The following RPH3AL variants were observed in gnomAD, a reference collection of about 807,000 sequenced individuals.
RPH3AL encodes rabphilin 3A like (without C2 domains).
Under a neutral mutation model 43.1 loss-of-function variants are expected in RPH3AL, and 38 were observed. The ratio of observed to expected loss-of-function variants is 0.88; its 90% CI spans 0.68 to 1.15. RPH3AL has a LOEUF of 1.15. Among genes scored for constraint, RPH3AL ranks in the 50% most tolerant of loss-of-function variants. The pLI, the probability that RPH3AL is intolerant of heterozygous loss-of-function variation, is 0.00. For synonymous variants in RPH3AL, 189 were observed against 176.3 expected, an observed-to-expected ratio of 1.07 and a Z score of -0.57; for missense variants, 462 against 423.2, an observed-to-expected ratio of 1.09 and a Z score of -0.81.
At chr17:350,189 C>A (rs1166828703) in intron 1 of RPH3AL, among the ~76,000 whole-genome samples, 1 of 152,132 alleles carries the variant, frequency 6.6e-6, no homozygotes, top group Non-Finnish European at 1.5e-5. Context: ...ATTGTGGTAA[C>A]AGAGTAAAAG....
At chr17:314,340 G>C (rs2043767474) in intron 5 of RPH3AL, among the ~76,000 whole-genome samples, 1 of 151,812 alleles carries the variant, frequency 6.6e-6, no homozygotes, top group Non-Finnish European at 1.5e-5. Context: ...CACACTGCCA[G>C]CTCCCGTTCT....
intron 5 of RPH3AL, among the ~76,000 whole-genome samples, chr17:300,191 AGCC>A (rs1274200267): frequency 1.6e-4 from 12 of 72,920 alleles, no homozygotes; most frequent in African/African-American, 4.9e-4. Context: ...GGGCTGGCCC[AGCC>A]TAGGCCTGCA....
intron 5 of RPH3AL, among the ~76,000 whole-genome samples, chr17:292,834 C>A (rs1425121537): frequency 6.6e-6 from 1 of 152,242 alleles, no homozygotes; most frequent in African/African-American, 2.4e-5. Flanking sequence ...GCTGGGAGCA[C>A]GCCGAGCCCT....
intron 5 of RPH3AL, among the ~76,000 whole-genome samples, chr17:302,921 C>T (rs551615081): frequency 3.5e-4 from 53 of 152,298 alleles, no homozygotes; most frequent in Non-Finnish European, 5.7e-4. Flanking sequence ...ACCCAGACCC[C>T]GAAGGTCAGG....
intron 5 of RPH3AL, among the ~76,000 whole-genome samples, chr17:309,730 T>C (rs1221336564): frequency 1.5e-5 from 2 of 137,652 alleles, no homozygotes; most frequent in Non-Finnish European, 3.0e-5. Flanking sequence ...GGGTCCAGGA[T>C]ACGGCATGTC....
chr17:312,042 G>A (rs563450759), intron 5 of RPH3AL, among the ~76,000 whole-genome samples: 40 of 152,248 alleles, frequency 2.6e-4, no homozygotes, highest in Middle Eastern at 6.8e-3. Flanking sequence ...TGTGGCTCAC[G>A]TCTGTAATCC....
In RPH3AL at chr17:284,310, C is replaced by T. The variant is rs184388498; in HGVS notation, c.352-2456G>A. 2.8e-3 allele frequency among the ~76,000 whole-genome samples: 432 copies of T among 152,292 alleles called. 4 individuals are homozygous for T. Among genetic ancestry groups the T allele is most frequent in the South Asian group, 4.3e-3 (21 of 4,828 alleles). On this transcript the variant is annotated intron_variant, in intron 5 of 9. Transcript: ENST00000331302. The stretch of plus-strand genomic sequence containing the variant: ...TCGGGCTGCCCGAGGTCACACAGCT[C>T]GTTCACGGTAAAGCAGAATTTTTGT...
intron 1 of RPH3AL, among the ~76,000 whole-genome samples, chr17:335,299 G>A (rs117024453): frequency 0.017 from 2,542 of 152,246 alleles, 40 homozygotes; most frequent in Middle Eastern, 0.034. Context: ...GGACGGAGGG[G>A]CTGGGGGAAG....
At chr17:236,547 G>C (rs954625088) in intron 7 of RPH3AL, among the ~76,000 whole-genome samples, 1 of 152,308 alleles carries the variant, frequency 6.6e-6, no homozygotes, top group Admixed American at 6.5e-5. Flanking sequence ...GGTCCTGAGA[G>C]CGGGGTGGGG....
intron 6 of RPH3AL, among the ~76,000 whole-genome samples, chr17:276,317 T>C (rs897268109): frequency 6.6e-6 from 1 of 152,246 alleles, no homozygotes; most frequent in African/African-American, 2.4e-5. Context: ...CAAATTTGCT[T>C]GTACTTTTCT....
chr17:260,857 T>G (rs2042181321), intron 6 of RPH3AL, among the ~76,000 whole-genome samples: 1 of 152,180 alleles, frequency 6.6e-6, no homozygotes, highest in African/African-American at 2.4e-5. Context: ...CTCACCGCCT[T>G]GACCACACTA....
At chr17:237,374 T>C (rs2041423370) in intron 7 of RPH3AL, among the ~76,000 whole-genome samples, 1 of 152,120 alleles carries the variant, frequency 6.6e-6, no homozygotes, top group South Asian at 2.1e-4. Context: ...GAACAGACCT[T>C]GAAGGGAACC....
intron 8 of RPH3AL, among the ~76,000 whole-genome samples, chr17:216,507 A>T (rs1040096007): frequency 2.0e-5 from 3 of 152,074 alleles, no homozygotes; most frequent in African/African-American, 7.2e-5. Flanking sequence ...GCAGACGTGG[A>T]GCCTGCTACT....
Position 290,813 on chromosome 17 carries a change from C to T in RPH3AL, c.352-8959G>A, listed in dbSNP as rs904609703. ...AAGCAGACGCCGCCATCTCACAGCA[C>T]CCGCGGTCTGGAGTCAGTCACTGGC... On this transcript the variant is annotated intron_variant, in intron 5 of 9. Coordinates refer to ENST00000331302, the MANE Select transcript of RPH3AL (RefSeq NM_006987.4). The surrounding 1 kb of genome is among the most constrained non-coding windows in gnomAD (Gnocchi z 4.2). Among the ~76,000 whole-genome samples, 1 of 152,198 alleles carries T rather than the reference C, an allele frequency of 6.6e-6. No individual in the cohort carries two copies. Among genetic ancestry groups the T allele is most frequent in the Non-Finnish European group, 1.5e-5 (1 of 68,032 alleles).
chr17:253,300 G>C (rs2151556772), intron 6 of RPH3AL, among the ~76,000 whole-genome samples: 1 of 152,254 alleles, frequency 6.6e-6, no homozygotes, highest in Non-Finnish European at 1.5e-5. Flanking sequence ...TGATGCTCAG[G>C]GTGACTTGGC....
chr17:328,290 G>A lies in RPH3AL; in HGVS notation c.-36-711C>T, dbSNP rs1203312876. On this transcript the variant is annotated intron_variant, in intron 2 of 9. Coordinates refer to ENST00000331302, the MANE Select transcript of RPH3AL (RefSeq NM_006987.4). The surrounding 1 kb of genome is among the most constrained non-coding windows in gnomAD (Gnocchi z 4.2). ...TCTCCCTGCCTCCCAGGACAGGATTGTCTTTGGTGGTCTGAGGATGCCACG... is the reference window on the plus strand; with the variant it reads ...TCTCCCTGCCTCCCAGGACAGGATTATCTTTGGTGGTCTGAGGATGCCACG... Among the ~76,000 whole-genome samples, 1 of 151,620 alleles carries A rather than the reference G, an allele frequency of 6.6e-6. No homozygotes were observed. The highest frequency in any genetic ancestry group is 1.5e-5 in the Non-Finnish European group (1 of 67,950).
In RPH3AL at chr17:322,006, A is replaced by T. The variant is rs1345193923; in HGVS notation, c.78-591T>A. On this transcript the variant is annotated intron_variant, in intron 3 of 9. Coordinates refer to ENST00000331302, the MANE Select transcript of RPH3AL (RefSeq NM_006987.4). The surrounding 1 kb of genome is among the most constrained non-coding windows in gnomAD (Gnocchi z 4.0). ...GAGACGGAGTTCACCAGGGGACAGGAAAGCCATGTAATTAGGGTGAAGACA... is the reference window on the plus strand; with the variant it reads ...GAGACGGAGTTCACCAGGGGACAGGTAAGCCATGTAATTAGGGTGAAGACA... 3.3e-5 allele frequency among the ~76,000 whole-genome samples: 5 copies of T among 152,214 alleles called. No individual in the cohort carries two copies. The highest frequency in any genetic ancestry group is 7.3e-5 in the Non-Finnish European group (5 of 68,042).
At chr17:229,239 T>C (rs1164617367) in intron 7 of RPH3AL, among the ~76,000 whole-genome samples, 1 of 152,168 alleles carries the variant, frequency 6.6e-6, no homozygotes, top group African/African-American at 2.4e-5. Flanking sequence ...TACCAATGCC[T>C]GCCTCAACTT....
intron 7 of RPH3AL, among the ~76,000 whole-genome samples, chr17:244,260 T>C (rs1478325633): frequency 1.3e-5 from 2 of 151,614 alleles, no homozygotes; most frequent in Non-Finnish European, 2.9e-5. Flanking sequence ...CCTCTATTGA[T>C]TACCTTCCTC....
Sources: allele counts gnomAD v4.1 joint callset (sites outside exome capture counted in the v4.1 genomes callset), GRCh38; gene constraint gnomAD v4.1.1; non-coding constraint Gnocchi (gnomAD v3.1); transcripts MANE v1.5; gene names NCBI Gene and HGNC (gene_info 2026-07-23, HGNC 2026-07-21).